The following DGKB variants were observed in gnomAD, a reference collection of about 807,000 sequenced individuals.
DGKB encodes diacylglycerol kinase beta.
A neutral mutation model predicts 114.3 loss-of-function variants in DGKB; 67 were observed. That is an observed-to-expected ratio of 0.59 (90% confidence interval 0.48 to 0.72). DGKB has a LOEUF of 0.72. DGKB is among the 30% of genes least tolerant of loss of function. The pLI is 0.00. For synonymous variants in DGKB, 398 were observed against 323.1 expected, an observed-to-expected ratio of 1.23 and a Z score of -2.49; for missense variants, 907 against 975.2, an observed-to-expected ratio of 0.93 and a Z score of 0.93.
At chr7:14,937,695 G>A (rs559405568) in intron 1 of DGKB, among the ~76,000 whole-genome samples, 82 of 152,048 alleles carry the variant, frequency 5.4e-4, no homozygotes, top group Middle Eastern at 6.8e-3. Context: ...AACAACACAG[G>A]TTTAAACTTT....
At chr7:14,504,190 T>A (rs936255680) in intron 20 of DGKB, among the ~76,000 whole-genome samples, 1 of 152,198 alleles carries the variant, frequency 6.6e-6, no homozygotes, top group Non-Finnish European at 1.5e-5. Context: ...TTAAATTAAA[T>A]CTTTATGCAG....
At chr7:14,383,852 G>C (rs1476469451) in intron 21 of DGKB, among the ~76,000 whole-genome samples, 1 of 152,214 alleles carries the variant, frequency 6.6e-6, no homozygotes, top group Non-Finnish European at 1.5e-5. Context: ...GGTTCTAATA[G>C]TAAGCGAGAA....
At chr7:14,847,223 G>A (rs972140226) in intron 1 of DGKB, among the ~76,000 whole-genome samples, 20 of 151,260 alleles carry the variant, frequency 1.3e-4, no homozygotes, top group African/African-American at 4.1e-4. Flanking sequence ...CCCAGGAGGC[G>A]GAGCTTGCAG....
intron 1 of DGKB, among the ~76,000 whole-genome samples, chr7:14,895,868 T>C (rs1782022012): frequency 6.6e-6 from 1 of 151,688 alleles, no homozygotes; most frequent in Non-Finnish European, 1.5e-5. Flanking sequence ...CTTATTTCTT[T>C]TCATTAAGGA....
intron 21 of DGKB, among the ~76,000 whole-genome samples, chr7:14,451,097 T>C (rs1394629589): frequency 1.3e-5 from 2 of 151,932 alleles, no homozygotes; most frequent in African/African-American, 2.4e-5. Flanking sequence ...GACAGAATCT[T>C]CCCCTATTGT....
Position 14,747,775 on chromosome 7 carries a change from G to GCGCGCGCGCGCGCGCGCACACACACA in DGKB, c.168+6152_168+6153insTGTGTGTGTGCGCGCGCGCGCGCGCG. Among the ~76,000 whole-genome samples the GCGCGCGCGCGCGCGCGCACACACACA allele has an allele frequency of 4.5e-3, 679 of 149,264 alleles. 6 individuals are homozygous for GCGCGCGCGCGCGCGCGCACACACACA. Among genetic ancestry groups the GCGCGCGCGCGCGCGCGCACACACACA allele is most frequent in the African/African-American group, 0.016 (639 of 39,682 alleles). On this transcript the variant is annotated intron_variant, in intron 4 of 25. Coordinates refer to ENST00000402815, the MANE Select transcript of DGKB (RefSeq NM_001350709.2). ...GCTGTGGGCTCAAACACATCCACGC[G>GCGCGCGCGCGCGCGCGCACACACACA]CACGCACACACACACACACACACAC... is the stretch of plus-strand genomic sequence containing the variant.
chr7:14,546,587 T>C (rs565496297), intron 20 of DGKB, among the ~76,000 whole-genome samples: 1 of 152,232 alleles, frequency 6.6e-6, no homozygotes, highest in African/African-American at 2.4e-5. Flanking sequence ...GAAGGTAAGA[T>C]TGTGTCTTTC....
At chr7:14,946,899 A>G (rs1717229487) in intron 1 of DGKB, among the ~76,000 whole-genome samples, 1 of 151,820 alleles carries the variant, frequency 6.6e-6, no homozygotes, top group Admixed American at 6.6e-5. Flanking sequence ...TCAAACTCAC[A>G]TTTATTACCT....
intron 20 of DGKB, among the ~76,000 whole-genome samples, chr7:14,537,864 T>A (rs1040873299): frequency 1.3e-5 from 2 of 151,936 alleles, no homozygotes; most frequent in Non-Finnish European, 2.9e-5. Flanking sequence ...GTGGATCACC[T>A]GAGGTTGGAA....
chr7:14,816,955 CTGTA>C (rs1378977268), intron 2 of DGKB, among the ~76,000 whole-genome samples: 3 of 152,146 alleles, frequency 2.0e-5, no homozygotes, highest in African/African-American at 7.2e-5. Context: ...ACACAGTTTT[CTGTA>C]TGTAAGATGT....
intron 2 of DGKB, among the ~76,000 whole-genome samples, chr7:14,777,655 T>G (rs2128482512): frequency 6.6e-6 from 1 of 152,298 alleles, no homozygotes. Flanking sequence ...CTAGCCAGGC[T>G]GAACTGTGAG....
intron 1 of DGKB, among the ~76,000 whole-genome samples, chr7:14,850,763 A>G (rs886699546): frequency 4.6e-5 from 7 of 152,234 alleles, no homozygotes; most frequent in African/African-American, 1.7e-4. Context: ...GCATATTACT[A>G]TTCATTAACT....
intron 20 of DGKB, among the ~76,000 whole-genome samples, chr7:14,480,843 G>T (rs1782880430): frequency 6.6e-6 from 1 of 151,854 alleles, no homozygotes. Context: ...TATAGCAATT[G>T]GAACAGTATT....
At chr7:14,280,001 C>A (rs1032640463) in intron 23 of DGKB, among the ~76,000 whole-genome samples, 8 of 152,004 alleles carry the variant, frequency 5.3e-5, no homozygotes, top group African/African-American at 1.9e-4. Context: ...CGGAACAAAG[C>A]TGGACGGAGA....
rs1360933180 is a variant in DGKB, at chr7:14,952,301, C to T, written c.-188+22395G>A. On this transcript the variant is annotated intron_variant, in intron 1 of 4. Transcript: ENST00000437998. ...ATTATAAGACTATAAATCTCTGTTG[C>T]CCAAGCCACCCAATTTATGGTACTT... is the stretch of plus-strand genomic sequence containing the variant. Among the ~76,000 whole-genome samples the T allele has an allele frequency of 2.6e-5, 4 of 151,908 alleles. No homozygotes were observed. In the East Asian group the frequency reaches 7.8e-4, roughly 30 times the overall value.
At chr7:14,794,320 C>T (rs558923864) in intron 2 of DGKB, among the ~76,000 whole-genome samples, 1 of 152,184 alleles carries the variant, frequency 6.6e-6, no homozygotes, top group East Asian at 1.9e-4. Context: ...GTAAAGGGAG[C>T]ACTGATAGAC....
chr7:14,288,234 A>ATTTTTTTTTTTTTTTTTTTT (rs1357871823), intron 23 of DGKB, among the ~76,000 whole-genome samples: 1 of 75,778 alleles, frequency 1.3e-5, no homozygotes. Context: ...TTTTTTTTTA[A>ATTTTTTTTTTTTTTTTTTTT]TTTTTTTTTT....
At chr7:14,699,498 A>T (rs1192287177) in intron 7 of DGKB, among the ~76,000 whole-genome samples, 3 of 152,164 alleles carry the variant, frequency 2.0e-5, no homozygotes, top group Non-Finnish European at 2.9e-5. Context: ...ATTGCTTCAA[A>T]GGTTAAACAT....
Position 14,580,912 on chromosome 7 carries a change from A to T in DGKB, c.1559T>A (p.Leu520Gln). ...TAGATCATTGCCAGTCCCAAGAGGC[A>T]GAATCGCAACTGGAGGATGCTTGCC... Reference protein sequence around the residue: ...NVGKHPPVAILPLGTGNDLAR... With the variant: ...NVGKHPPVAIQPLGTGNDLAR... The change falls in exon 19 of 26, where the codon CTG becomes CAG. Residue 520 changes from leucine (L) to glutamine (Q), a missense_variant. Leu to Gln is a moderately radical substitution (Grantham distance 113). Transcript: ENST00000402815. The T allele has an allele frequency of 6.2e-7, 1 of 1,605,334 alleles. No individual in the cohort carries two copies. Among genetic ancestry groups the T allele is most frequent in the Admixed American group, 1.7e-5 (1 of 59,884 alleles).
Sources: allele counts gnomAD v4.1 joint callset (sites outside exome capture counted in the v4.1 genomes callset), GRCh38; gene constraint gnomAD v4.1.1; transcripts MANE v1.5; gene names NCBI Gene and HGNC (gene_info 2026-07-23, HGNC 2026-07-21).